PTPRT: variants seen among roughly 807,000 people sequenced by gnomAD.
The protein encoded by PTPRT is receptor-type tyrosine-protein phosphatase T.
Under a neutral mutation model 176.8 loss-of-function variants are expected in PTPRT, and 56 were observed. The ratio of observed to expected loss-of-function variants is 0.32; its 90% CI spans 0.26 to 0.40. PTPRT has a LOEUF of 0.40. Ranked by LOEUF, PTPRT falls within the 10% of genes least tolerant of loss-of-function variation. The pLI is 1.00. For missense variants in PTPRT, 1,540 were observed against 1,908.2 expected (o/e 0.81, Z 3.60); for synonymous variants, 783 against 739.0 (o/e 1.06, Z -0.96).
At chr20:42,275,427 G>C (rs912076854) in intron 13 of PTPRT, among the ~76,000 whole-genome samples, 4 of 152,196 alleles carry the variant, frequency 2.6e-5, no homozygotes, top group Non-Finnish European at 5.9e-5. Flanking sequence ...CTCAGATCTT[G>C]AGTAGATAAT....
At chr20:42,268,088 G>C (rs1054776832) in intron 13 of PTPRT, among the ~76,000 whole-genome samples, 1 of 152,092 alleles carries the variant, frequency 6.6e-6, no homozygotes. Flanking sequence ...GATATGAAAA[G>C]AGGCTCCTGT....
At chr20:42,429,074 T>A (rs2059192762) in intron 9 of PTPRT, among the ~76,000 whole-genome samples, 1 of 152,182 alleles carries the variant, frequency 6.6e-6, no homozygotes, top group Non-Finnish European at 1.5e-5. Flanking sequence ...AAGCTTTGTA[T>A]TCACACTTAG....
chr20:42,402,434 T>C (rs2058917715), intron 9 of PTPRT, among the ~76,000 whole-genome samples: 1 of 143,486 alleles, frequency 7.0e-6, no homozygotes, highest in Non-Finnish European at 1.5e-5. Context: ...GAAATTTATA[T>C]GATCATTCTC....
At chr20:42,850,578 T>C (rs1274956474) in intron 2 of PTPRT, among the ~76,000 whole-genome samples, 1 of 152,184 alleles carries the variant, frequency 6.6e-6, no homozygotes, top group East Asian at 1.9e-4. Context: ...CATCCCCCAG[T>C]GGTAGGCAGT....
intron 1 of PTPRT, among the ~76,000 whole-genome samples, chr20:42,958,522 A>G (rs371087970): frequency 6.1e-4 from 92 of 151,662 alleles, no homozygotes; most frequent in African/African-American, 2.0e-3. Context: ...AAAAACATCA[A>G]AAGTGTCTAG....
In PTPRT at chr20:42,161,547, G is replaced by T; in HGVS notation, c.2492-5C>A. The T allele has an allele frequency of 6.3e-7, 1 of 1,598,560 alleles. No individual in the cohort carries two copies. The highest frequency in any genetic ancestry group is 8.5e-7 in the Non-Finnish European group (1 of 1,172,752). On this transcript the variant is annotated splice_polypyrimidine_tract_variant and splice_region_variant and intron_variant, in intron 16 of 30. Coordinates refer to ENST00000373187, the MANE Select transcript of PTPRT (RefSeq NM_007050.6). ...GCTCCCCGCGGCTGCCATCTGCTTC[G>T]AAAAGAAGGAGGCAGAACAGATCAT...
chr20:42,215,417 T>C (rs1375550293), intron 15 of PTPRT, among the ~76,000 whole-genome samples: 2 of 152,250 alleles, frequency 1.3e-5, no homozygotes, highest in East Asian at 1.9e-4. Flanking sequence ...TTCCCTAGCA[T>C]GGTCTTTGGC....
intron 16 of PTPRT, among the ~76,000 whole-genome samples, chr20:42,171,180 T>C (rs1990065163): frequency 6.6e-6 from 1 of 152,188 alleles, no homozygotes; most frequent in Admixed American, 6.5e-5. Context: ...TCTGATTCTT[T>C]TCCAGAGGGT....
At chr20:42,550,118 C>A (rs573146605) in intron 7 of PTPRT, among the ~76,000 whole-genome samples, 2 of 152,076 alleles carry the variant, frequency 1.3e-5, no homozygotes, top group Non-Finnish European at 2.9e-5. Context: ...GTCTTCTGTA[C>A]GCCCCTTGCT....
At chr20:42,107,252 G>C (rs371114835) in intron 23 of PTPRT, among the ~76,000 whole-genome samples, 1 of 152,042 alleles carries the variant, frequency 6.6e-6, no homozygotes, top group East Asian at 1.9e-4. Flanking sequence ...CAAATGGGTT[G>C]ACGGATGGAA....
At chr20:42,899,109 A>C (rs973281282) in intron 1 of PTPRT, among the ~76,000 whole-genome samples, 2 of 152,214 alleles carry the variant, frequency 1.3e-5, no homozygotes, top group Admixed American at 1.3e-4. Flanking sequence ...TAAAAAGGGC[A>C]AGGCTACAAA....
At chr20:42,610,379 G>GTTTTTTTTTTTTTTTTTTT (rs74271793) in intron 7 of PTPRT, among the ~76,000 whole-genome samples, 1 of 136,432 alleles carries the variant, frequency 7.3e-6, no homozygotes, top group Non-Finnish European at 1.6e-5. Context: ...TACTTGTTTT[G>GTTTTTTTTTTTTTTTTTTT]TTTTTTTTTT....
At position 42,625,614 on chromosome 20, in the gene PTPRT, C is replaced by A. The variant is rs544080785; in HGVS notation, c.1153+52252G>T. On this transcript the variant is annotated intron_variant, in intron 7 of 30. Coordinates refer to ENST00000373187, the MANE Select transcript of PTPRT (RefSeq NM_007050.6). ...ATGCCACATCTCAATCTCAGAACAC[C>A]AGGGCACAGAGAAGTAAAGAGACCC... Among the ~76,000 whole-genome samples, 5 of 151,994 alleles carry A rather than the reference C, an allele frequency of 3.3e-5. No homozygotes were observed. The South Asian group carries it at 1.0e-3, about 32-fold the overall frequency.
At chr20:42,756,400 G>A in intron 6 of PTPRT, 62 bp downstream of exon 6, 1 of 1,424,280 alleles carries the variant, frequency 7.0e-7, no homozygotes, top group South Asian at 1.6e-5. Context: ...GAGAAAAGGG[G>A]CTTTAAGGCC....
At chr20:42,238,051 C>T (rs2056279717) in intron 14 of PTPRT, among the ~76,000 whole-genome samples, 1 of 152,184 alleles carries the variant, frequency 6.6e-6, no homozygotes, top group South Asian at 2.1e-4. Context: ...TCTAGTCTTT[C>T]TTTCATCATC....
chr20:42,905,351 T>G (rs2079460985), intron 1 of PTPRT, among the ~76,000 whole-genome samples: 1 of 152,064 alleles, frequency 6.6e-6, no homozygotes, highest in African/African-American at 2.4e-5. Flanking sequence ...GAAATGCAAA[T>G]CAAAACCACA....
At chr20:42,913,979 C>T (rs1455980037) in intron 1 of PTPRT, among the ~76,000 whole-genome samples, 2 of 152,124 alleles carry the variant, frequency 1.3e-5, no homozygotes, top group Non-Finnish European at 2.9e-5. Context: ...GTTGAATTTT[C>T]CTTACAATTG....
chr20:42,033,746 G>T, the PTPRT span, among the ~76,000 whole-genome samples: 1 of 152,134 alleles, frequency 6.6e-6, no homozygotes, highest in African/African-American at 2.4e-5. Flanking sequence ...ACATCACAAG[G>T]CATGGTATGA....
chr20:42,762,643 G>A (rs2076930927), intron 5 of PTPRT, among the ~76,000 whole-genome samples: 1 of 152,214 alleles, frequency 6.6e-6, no homozygotes, highest in African/African-American at 2.4e-5. Flanking sequence ...CTTGGAGGGA[G>A]GTCACTTTTG....
Sources: allele counts gnomAD v4.1 joint callset (sites outside exome capture counted in the v4.1 genomes callset), GRCh38; gene constraint gnomAD v4.1.1; transcripts MANE v1.5; gene names NCBI Gene and HGNC (gene_info 2026-07-23, HGNC 2026-07-21).